Variants in ALK observed in about 807,000 individuals in gnomAD.
The protein encoded by ALK is ALK receptor tyrosine kinase, also known as ALK tyrosine kinase receptor.
Under a neutral mutation model 163.1 loss-of-function variants are expected in ALK, and 74 were observed. The observed-to-expected ratio is 0.45, with a 90% CI of 0.38 to 0.55. The LOEUF (loss-of-function observed/expected upper bound fraction) is 0.55, where lower values mean the gene tolerates loss of function less well. Ranked by LOEUF, ALK falls within the 20% of genes least tolerant of loss-of-function variation. The pLI is 0.00. For synonymous variants in ALK, 960 were observed against 843.2 expected, an observed-to-expected ratio of 1.14 and a Z score of -2.40; for missense variants, 2,063 against 2,105.3, an observed-to-expected ratio of 0.98 and a Z score of 0.39.
chr2:29,398,853 C>T (rs1669374636), intron 4 of ALK, among the ~76,000 whole-genome samples: 1 of 152,188 alleles, frequency 6.6e-6, no homozygotes, highest in South Asian at 2.1e-4. Context: ...GGTTCAGAGA[C>T]AGCATTCAAA....
At chr2:29,890,815 C>G (rs2148424575) in intron 1 of ALK, 1 of 152,280 alleles carries the variant, frequency 6.6e-6, no homozygotes, top group African/African-American at 2.4e-5. Flanking sequence ...AGACTTGCCT[C>G]AGGCCACACA....
At chr2:29,377,462 G>A (rs893687934) in intron 5 of ALK, among the ~76,000 whole-genome samples, 1 of 119,334 alleles carries the variant, frequency 8.4e-6, no homozygotes. Context: ...GCAACAGAGT[G>A]AGACTACATC....
At chr2:29,662,200 C>T (rs551563492) in intron 3 of ALK, among the ~76,000 whole-genome samples, 2 of 152,140 alleles carry the variant, frequency 1.3e-5, no homozygotes, top group African/African-American at 4.8e-5. Context: ...GCATGAGCCA[C>T]CACGCCCGGC....
At chr2:29,199,035 C>T (rs1192998237) in intron 26 of ALK, among the ~76,000 whole-genome samples, 2 of 151,700 alleles carry the variant, frequency 1.3e-5, no homozygotes, top group East Asian at 1.9e-4. Flanking sequence ...CTCACTGCAA[C>T]CTCCACCTTC....
At chr2:29,906,088 ATGT>A (rs1667541337) in intron 1 of ALK, among the ~76,000 whole-genome samples, 1 of 152,098 alleles carries the variant, frequency 6.6e-6, no homozygotes. Flanking sequence ...CAGGAGCAGA[ATGT>A]TGTCCTCATC....
chr2:29,861,229 T>A (rs1444298722), intron 1 of ALK, among the ~76,000 whole-genome samples: 1 of 151,960 alleles, frequency 6.6e-6, no homozygotes, highest in African/African-American at 2.4e-5. Flanking sequence ...TAACATCAGA[T>A]CTCAAGGAGC....
intron 1 of ALK, chr2:29,890,803 G>A (rs1320523071): frequency 1.3e-5 from 2 of 152,120 alleles, no homozygotes; most frequent in Non-Finnish European, 2.9e-5. Context: ...CTGTGTTATT[G>A]GAGACTTGCC....
chr2:29,543,545 C>T (rs371668478), intron 3 of ALK, among the ~76,000 whole-genome samples: 1 of 152,142 alleles, frequency 6.6e-6, no homozygotes, highest in East Asian at 1.9e-4. Flanking sequence ...TTTTCCTAGC[C>T]CTATGGTTAA....
At chr2:29,846,256 C>A (rs956218353) in intron 1 of ALK, among the ~76,000 whole-genome samples, 6 of 152,338 alleles carry the variant, frequency 3.9e-5, no homozygotes, top group East Asian at 3.9e-4. Context: ...CTTGCCCCCC[C>A]ACCTGACCGC....
chr2:29,860,053 G>A (rs577828055), intron 1 of ALK, among the ~76,000 whole-genome samples: 25 of 151,684 alleles, frequency 1.6e-4, no homozygotes, highest in African/African-American at 5.8e-4. Context: ...GAGGGAAGGG[G>A]AGAATTTCAA....
At chr2:29,652,542 T>C (rs1677064790) in intron 3 of ALK, among the ~76,000 whole-genome samples, 1 of 152,168 alleles carries the variant, frequency 6.6e-6, no homozygotes, top group Non-Finnish European at 1.5e-5. Flanking sequence ...AATGATTGAC[T>C]GATGACTGGC....
chr2:29,514,509 A>T (rs1371891553), intron 4 of ALK, among the ~76,000 whole-genome samples: 2 of 152,192 alleles, frequency 1.3e-5, no homozygotes, highest in African/African-American at 4.8e-5. Flanking sequence ...CCTGCATGCC[A>T]ACAACTCCTG....
chr2:29,684,978 C>A (rs1487859709), intron 3 of ALK, among the ~76,000 whole-genome samples: 1 of 152,216 alleles, frequency 6.6e-6, no homozygotes, highest in Non-Finnish European at 1.5e-5. Flanking sequence ...TGGAACACTG[C>A]AATGAATGAG....
chr2:29,378,032 T>C (rs11887306), intron 5 of ALK, among the ~76,000 whole-genome samples: 4,141 of 152,306 alleles, frequency 0.027, 192 homozygotes, highest in African/African-American at 0.094. Context: ...TGTAGGTTCC[T>C]GAAAGAGAAG....
intron 3 of ALK, among the ~76,000 whole-genome samples, chr2:29,566,121 C>T (rs1674180659): frequency 6.6e-6 from 1 of 152,108 alleles, no homozygotes; most frequent in African/African-American, 2.4e-5. Flanking sequence ...GGAGCCAGGG[C>T]CACCCACCCA....
intron 3 of ALK, among the ~76,000 whole-genome samples, chr2:29,575,853 T>C (rs894113884): frequency 2.3e-4 from 35 of 152,160 alleles, no homozygotes; most frequent in African/African-American, 8.4e-4. Context: ...TGCCAAATGC[T>C]CCAACAGAGT....
At chr2:29,603,813 C>T (rs1386855811) in intron 3 of ALK, among the ~76,000 whole-genome samples, 1 of 152,082 alleles carries the variant, frequency 6.6e-6, no homozygotes, top group Admixed American at 6.6e-5. Context: ...GCTTATGATT[C>T]CCCCTATGCC....
chr2:29,502,698 T>C (rs1233144366), intron 4 of ALK, among the ~76,000 whole-genome samples: 12 of 152,092 alleles, frequency 7.9e-5, no homozygotes, highest in Admixed American at 7.9e-4. Context: ...ATTTTTTTTT[T>C]ACTCCGCCTG....
At chr2:29,748,066 A>G (rs1166142757) in intron 1 of ALK, among the ~76,000 whole-genome samples, 2 of 152,196 alleles carry the variant, frequency 1.3e-5, no homozygotes, top group Non-Finnish European at 2.9e-5. Context: ...GGGAAAACAA[A>G]AAAGCAGTTT....
Sources: gnomAD v4.1 joint callset for allele counts (sites outside exome capture counted in the v4.1 genomes callset) on GRCh38, gnomAD v4.1.1 for gene constraint, MANE v1.5 for transcripts, NCBI Gene and HGNC (gene_info 2026-07-23, HGNC 2026-07-21) for gene names.